Variants in MTA3 observed in about 807,000 individuals in gnomAD.
The protein encoded by MTA3 is metastasis-associated protein MTA3.
Under a neutral mutation model 83.5 loss-of-function variants are expected in MTA3, and 34 were observed. That is an observed-to-expected ratio of 0.41 (90% CI 0.31 to 0.54). The LOEUF is 0.54. Ranked by LOEUF, MTA3 falls within the 20% of genes least tolerant of loss-of-function variation. The pLI is 0.33. For synonymous variants in MTA3, 303 were observed against 252.7 expected, an observed-to-expected ratio of 1.20 and a Z score of -1.89; for missense variants, 761 against 726.4, an observed-to-expected ratio of 1.05 and a Z score of -0.55.
intron 8 of MTA3, among the ~76,000 whole-genome samples, chr2:42,666,075 A>G (rs1448071108): frequency 6.6e-6 from 1 of 152,192 alleles, no homozygotes; most frequent in Non-Finnish European, 1.5e-5. Context: ...CAGGAGATTG[A>G]GACCATCCTG....
At chr2:42,680,235 G>C (rs996168295) in intron 8 of MTA3, 5 of 152,244 alleles carry the variant, frequency 3.3e-5, no homozygotes, top group African/African-American at 1.2e-4. Context: ...CAGCACCTTC[G>C]TTCAGCACCC....
intron 8 of MTA3, among the ~76,000 whole-genome samples, chr2:42,679,552 A>G (rs1374721735): frequency 1.3e-5 from 2 of 152,266 alleles, no homozygotes; most frequent in African/African-American, 2.4e-5. Flanking sequence ...CCTAAGGCAC[A>G]GTGGTGGCAA....
At chr2:42,747,746 C>T (rs1317540395) in intron 16 of MTA3, among the ~76,000 whole-genome samples, 1 of 151,854 alleles carries the variant, frequency 6.6e-6, no homozygotes, top group African/African-American at 2.4e-5. Context: ...TTATATCACA[C>T]CTATAAAGAC....
intron 2 of MTA3, among the ~76,000 whole-genome samples, chr2:42,538,802 T>C (rs62144830): frequency 0.39 from 53,558 of 138,886 alleles, 10,568 homozygotes; most frequent in South Asian, 0.42. Flanking sequence ...GAGTCTCGCC[T>C]TGTCGCCCAG....
chr2:42,631,810 C>T (rs1686702655), intron 4 of MTA3, among the ~76,000 whole-genome samples: 1 of 152,044 alleles, frequency 6.6e-6, no homozygotes, highest in Non-Finnish European at 1.5e-5. Flanking sequence ...CTGCCTCAGC[C>T]TCCCAAGTAG....
intron 16 of MTA3, among the ~76,000 whole-genome samples, chr2:42,740,477 C>A (rs1573820773): frequency 6.6e-6 from 1 of 152,340 alleles, no homozygotes; most frequent in East Asian, 1.9e-4. Context: ...TGCACTCCAG[C>A]CTGGGTGACA....
intron 14 of MTA3, 188 bp downstream of exon 14, chr2:42,709,284 A>AG: frequency 7.0e-7 from 1 of 1,420,090 alleles, no homozygotes; most frequent in South Asian, 1.6e-5. Context: ...ACCTGGAAAA[A>AG]AAAAATCAAA....
chr2:42,532,891 CT>C (rs1301139125), intron 2 of MTA3: 49 of 328,936 alleles, frequency 1.5e-4, no homozygotes, highest in South Asian at 2.5e-4. Context: ...TCTTTGGCTT[CT>C]TTTTTTCCTG....
At position 42,756,446 on chromosome 2, in the gene MTA3, G is replaced by A. The variant is rs941108320; in HGVS notation, c.*3047G>A. ...TCAGTCCCCTGCCACTCAGAGCAGA[G>A]CAGGGGGCTGAGGGCAAGCAGGTGG... On this transcript the variant is annotated 3_prime_UTR_variant, in exon 17 of 17. Transcript: ENST00000405094. The A allele has an allele frequency of 2.2e-5, 22 of 985,258 alleles. No homozygotes were observed. The African/African-American group carries it at 3.5e-4, about 16-fold the overall frequency. The allele number at this position is 985,258 out of a possible 1,614,324, so 61.0% of individuals were successfully genotyped here.
intron 8 of MTA3, among the ~76,000 whole-genome samples, chr2:42,665,957 T>C (rs1210310572): frequency 6.6e-6 from 1 of 152,210 alleles, no homozygotes; most frequent in Non-Finnish European, 1.5e-5. Flanking sequence ...ACACCTCTGA[T>C]TTCTATGTTA....
intron 9 of MTA3, 140 bp from the exon 10 acceptor site, chr2:42,695,625 A>G: frequency 2.0e-6 from 1 of 501,826 alleles, no homozygotes; most frequent in Non-Finnish European, 3.2e-6. Context: ...ACAAAGTGAC[A>G]GTCTATCTCA....
At chr2:42,558,811 T>G (rs1219429636) in intron 2 of MTA3, among the ~76,000 whole-genome samples, 4 of 151,496 alleles carry the variant, frequency 2.6e-5, no homozygotes, top group Non-Finnish European at 5.9e-5. Flanking sequence ...TGCCTCAGCC[T>G]CCCAAAGTGC....
intron 16 of MTA3, among the ~76,000 whole-genome samples, chr2:42,731,858 C>T (rs1190310977): frequency 2.0e-5 from 3 of 152,228 alleles, no homozygotes; most frequent in Admixed American, 6.5e-5. Flanking sequence ...AAGCTAATTA[C>T]TTCCTAGATA....
chr2:42,619,681 A>G (rs1685312453), intron 4 of MTA3, among the ~76,000 whole-genome samples: 1 of 152,252 alleles, frequency 6.6e-6, no homozygotes, highest in South Asian at 2.1e-4. Context: ...AAAAAAGGGA[A>G]GGACTAACAA....
chr2:42,566,989 G>A (rs1677941558), upstream of MTA3, among the ~76,000 whole-genome samples: 1 of 152,218 alleles, frequency 6.6e-6, no homozygotes, highest in South Asian at 2.1e-4. Context: ...TTGTCAGAAT[G>A]TTTTTGGTGG....
chr2:42,585,119 G>A (rs190319512), intron 3 of MTA3, among the ~76,000 whole-genome samples: 3,319 of 151,288 alleles, frequency 0.022, 49 homozygotes, highest in Non-Finnish European at 0.035. Context: ...ACAGAGTTTC[G>A]CTCTTGTTGC....
chr2:42,583,779 C>T (rs1558459222), intron 3 of MTA3, among the ~76,000 whole-genome samples: 1 of 151,900 alleles, frequency 6.6e-6, no homozygotes, highest in Non-Finnish European at 1.5e-5. Context: ...GATCCTCTTG[C>T]CTTGGCCTCC....
chr2:42,735,502 T>C lies in MTA3; in HGVS notation c.1759+12467T>C, dbSNP rs1378373395. On this transcript the variant is annotated intron_variant, in intron 16 of 16. Transcript: ENST00000405094. Reference sequence around the variant, plus strand: ...ACCTTCTTGTACTTAAATATTGATATCTTTCTCTAGGTTTGAGAAGTTTTC... The same window carrying C: ...ACCTTCTTGTACTTAAATATTGATACCTTTCTCTAGGTTTGAGAAGTTTTC... 2.6e-5 allele frequency among the ~76,000 whole-genome samples: 4 copies of C among 152,210 alleles called. No individual in the cohort carries two copies. The East Asian group carries it at 5.8e-4, about 22-fold the overall frequency.
chr2:42,660,782 A>G (rs960432986), intron 8 of MTA3, among the ~76,000 whole-genome samples: 14 of 152,248 alleles, frequency 9.2e-5, no homozygotes, highest in African/African-American at 3.4e-4. Flanking sequence ...TCATAATGCC[A>G]ATTTGACATG....
Sources: gnomAD v4.1 joint callset for allele counts (sites outside exome capture counted in the v4.1 genomes callset) on GRCh38, gnomAD v4.1.1 for gene constraint, MANE v1.5 for transcripts, NCBI Gene and HGNC (gene_info 2026-07-23, HGNC 2026-07-21) for gene names.